The following TIPIN variants were observed in gnomAD, a reference collection of about 807,000 sequenced individuals.
TIPIN encodes the protein TIMELESS interacting protein.
In TIPIN, 29 loss-of-function variants were observed where a neutral mutation model predicts 35.6. The observed-to-expected ratio is 0.82, with a 90% CI of 0.61 to 1.11. The LOEUF is 1.11. Ranked by LOEUF, TIPIN falls within the 50% of genes most tolerant of loss-of-function variation. TIPIN has a pLI of 0.00. For missense variants in TIPIN, 296 were observed against 345.4 expected, an observed-to-expected ratio of 0.86 and a Z score of 1.13; for synonymous variants, 102 against 121.5, an observed-to-expected ratio of 0.84 and a Z score of 1.06.
At chr15:66,386,351 TG>T (rs2140509618) in intron 1 of TIPIN, 2 of 151,738 alleles carry the variant, frequency 1.3e-5, no homozygotes, top group East Asian at 3.9e-4. Flanking sequence ...TCTCAAAAAC[TG>T]TCGCAACAAT....
At chr15:66,358,331 T>C (rs1289466530), upstream of TIPIN, among the ~76,000 whole-genome samples, 2 of 152,132 alleles carry the variant, frequency 1.3e-5, no homozygotes, top group African/African-American at 4.8e-5. Flanking sequence ...TTAAAAATGT[T>C]ATCTGAAGCA....
chr15:66,358,444 T>C (rs548029198), upstream of TIPIN, among the ~76,000 whole-genome samples: 17 of 152,110 alleles, frequency 1.1e-4, no homozygotes, highest in South Asian at 8.3e-4. Flanking sequence ...TTTTTTTTTT[T>C]TTCTTCTTTG....
At chr15:66,344,059 G>A (rs781344160) in intron 6 of TIPIN, among the ~76,000 whole-genome samples, 25 of 152,024 alleles carry the variant, frequency 1.6e-4, no homozygotes, top group Non-Finnish European at 3.2e-4. Flanking sequence ...CAGGGTTGCA[G>A]GATTCTAAAT....
At chr15:66,381,934 G>A (rs953220561) in intron 1 of TIPIN, among the ~76,000 whole-genome samples, 18 of 152,052 alleles carry the variant, frequency 1.2e-4, no homozygotes, top group African/African-American at 3.6e-4. Context: ...GCATGGTGGC[G>A]GGTGCCTGTA....
At chr15:66,359,966 G>A (rs1341315860), upstream of TIPIN, among the ~76,000 whole-genome samples, 1 of 152,062 alleles carries the variant, frequency 6.6e-6, no homozygotes. Flanking sequence ...GGAGTGCAGT[G>A]ACACAATCAT....
intron 1 of TIPIN, among the ~76,000 whole-genome samples, chr15:66,355,253 T>C (rs2093196001): frequency 6.6e-6 from 1 of 150,934 alleles, no homozygotes; most frequent in Non-Finnish European, 1.5e-5. Flanking sequence ...CAGGATGGTC[T>C]CGATCTCCTG....
intron 1 of TIPIN, among the ~76,000 whole-genome samples, chr15:66,363,276 G>A (rs773454759): frequency 6.6e-6 from 1 of 152,120 alleles, no homozygotes; most frequent in Non-Finnish European, 1.5e-5. Context: ...GGGAGGCCGA[G>A]GCGGGCGGAT....
chr15:66,340,304 A>G (rs544558410), intron 7 of TIPIN, among the ~76,000 whole-genome samples: 1 of 147,330 alleles, frequency 6.8e-6, no homozygotes, highest in Non-Finnish European at 1.5e-5. Context: ...CAGCCTCCCA[A>G]GTGGCTGGGA....
chr15:66,373,897 C>T (rs1017629456), intron 1 of TIPIN, among the ~76,000 whole-genome samples: 2 of 151,812 alleles, frequency 1.3e-5, no homozygotes, highest in African/African-American at 2.4e-5. Flanking sequence ...GAGACAGGGT[C>T]GCCCTATGTT....
intron 6 of TIPIN, among the ~76,000 whole-genome samples, chr15:66,344,821 C>A (rs1448590261): frequency 1.3e-5 from 2 of 152,102 alleles, no homozygotes; most frequent in Non-Finnish European, 2.9e-5. Flanking sequence ...GAGCTATGAT[C>A]ATGCCACTGT....
chr15:66,384,413 G>A (rs2093329127), intron 1 of TIPIN, among the ~76,000 whole-genome samples: 1 of 152,008 alleles, frequency 6.6e-6, no homozygotes, highest in East Asian at 1.9e-4. Context: ...TCCTGCCTCA[G>A]CCTCCTGAGT....
intron 4 of TIPIN, among the ~76,000 whole-genome samples, chr15:66,350,828 G>A (rs1478890534): frequency 3.3e-5 from 5 of 150,904 alleles, no homozygotes; most frequent in African/African-American, 1.2e-4. Context: ...CCAGCTACTC[G>A]GGAGGCTAAG....
chr15:66,379,781 G>T, intron 1 of TIPIN: 5 of 1,602,694 alleles, frequency 3.1e-6, no homozygotes, highest in Non-Finnish European at 3.4e-6. Context: ...CAAGAAGACT[G>T]AGTTCTACAT....
At chr15:66,374,073 A>G (rs1052380845) in intron 1 of TIPIN, among the ~76,000 whole-genome samples, 8 of 152,130 alleles carry the variant, frequency 5.3e-5, no homozygotes, top group Admixed American at 5.2e-4. Flanking sequence ...GTGGTAAAAT[A>G]TACATAATAA....
At chr15:66,385,639 C>A (rs981581343) in intron 1 of TIPIN, among the ~76,000 whole-genome samples, 1 of 152,064 alleles carries the variant, frequency 6.6e-6, no homozygotes, top group Non-Finnish European at 1.5e-5. Context: ...CAGGCACCCG[C>A]CACCACGCCC....
At chr15:66,360,374 G>C (rs1288859117), upstream of TIPIN, among the ~76,000 whole-genome samples, 2 of 152,172 alleles carry the variant, frequency 1.3e-5, no homozygotes, top group African/African-American at 4.8e-5. Context: ...GGGAGGCTGA[G>C]ACAGTAGGAT....
At chr15:66,346,322 C>T (rs2093125299) in intron 6 of TIPIN, among the ~76,000 whole-genome samples, 1 of 149,424 alleles carries the variant, frequency 6.7e-6, no homozygotes, top group African/African-American at 2.5e-5. Context: ...ATTTACACCT[C>T]TGCATAGATG....
intron 6 of TIPIN, among the ~76,000 whole-genome samples, chr15:66,345,223 G>A (rs2093116399): frequency 6.6e-6 from 1 of 152,034 alleles, no homozygotes; most frequent in Non-Finnish European, 1.5e-5. Flanking sequence ...AGGGAAGAGT[G>A]TTCCAGGCAG....
chr15:66,346,853 G>A (rs903658720), intron 6 of TIPIN, among the ~76,000 whole-genome samples: 11 of 151,790 alleles, frequency 7.2e-5, no homozygotes, highest in East Asian at 1.9e-4. Flanking sequence ...GTGCAGTGGC[G>A]TGATCTCGGC....
Sources: allele counts gnomAD v4.1 joint callset (sites outside exome capture counted in the v4.1 genomes callset), GRCh38; gene constraint gnomAD v4.1.1; transcripts MANE v1.5; gene names NCBI Gene and HGNC (gene_info 2026-07-23, HGNC 2026-07-21).